Variants in NLGN1 observed in about 807,000 individuals in gnomAD.
NLGN1 encodes the protein neuroligin 1.
In NLGN1, 12 loss-of-function variants were observed where a neutral mutation model predicts 65.5. The observed-to-expected ratio is 0.18, with a 90% CI of 0.12 to 0.30. The LOEUF (loss-of-function observed/expected upper bound fraction) is 0.30, where lower values mean the gene tolerates loss of function less well. Among genes scored for constraint, NLGN1 ranks in the 10% least tolerant of loss-of-function variants. NLGN1 has a pLI of 1.00. For missense variants in NLGN1, 750 were observed against 1,007.1 expected (o/e 0.74, Z 3.46); for synonymous variants, 350 against 359.5 (o/e 0.97, Z 0.30).
intron 4 of NLGN1, among the ~76,000 whole-genome samples, chr3:174,060,280 A>G (rs933134570): frequency 2.6e-5 from 4 of 152,044 alleles, no homozygotes; most frequent in Admixed American, 2.6e-4. Context: ...GCTCCATCTC[A>G]TATGTTAACA....
intron 4 of NLGN1, among the ~76,000 whole-genome samples, chr3:173,899,455 C>A (rs116371571): frequency 1.3e-5 from 2 of 152,154 alleles, no homozygotes; most frequent in African/African-American, 4.8e-5. Context: ...AACCAATTCT[C>A]GTTAAATGAG....
At chr3:173,594,572 A>T (rs1409142943) in intron 2 of NLGN1, among the ~76,000 whole-genome samples, 1 of 152,128 alleles carries the variant, frequency 6.6e-6, no homozygotes, top group African/African-American at 2.4e-5. Context: ...CTGTGGGTGG[A>T]TCTACCATTC....
chr3:174,066,516 G>GTCTCTCTCTCTCTCTC lies in NLGN1; in HGVS notation c.647-208765_647-208750dup, dbSNP rs373763421. Among the ~76,000 whole-genome samples, 210 of 66,994 alleles carry GTCTCTCTCTCTCTCTC rather than the reference G, an allele frequency of 3.1e-3. 5 individuals are homozygous for GTCTCTCTCTCTCTCTC. The highest frequency in any genetic ancestry group is 5.2e-3 in the East Asian group (10 of 1,936). 44.0% of individuals were successfully genotyped at this position (66,994 alleles called of 152,430 possible). ...AGTTTTTAAATAGATTATGGAACAA[G>GTCTCTCTCTCTCTCTC]TCTCTCTCTCTCTCTCTCTCTCTCT... is the stretch of plus-strand genomic sequence containing the variant. On this transcript the variant is annotated intron_variant, in intron 4 of 6. Transcript: ENST00000457714.
intron 3 of NLGN1, among the ~76,000 whole-genome samples, chr3:173,684,053 T>A (rs938640676): frequency 6.6e-6 from 1 of 152,114 alleles, no homozygotes; most frequent in African/African-American, 2.4e-5. Flanking sequence ...CAGTTCACAG[T>A]AAACAAAAGT....
intron 3 of NLGN1, among the ~76,000 whole-genome samples, chr3:173,638,640 A>T (rs1425780680): frequency 6.6e-6 from 1 of 152,192 alleles, no homozygotes; most frequent in African/African-American, 2.4e-5. Context: ...GAGATAGTAT[A>T]CAAGAATTGT....
intron 2 of NLGN1, among the ~76,000 whole-genome samples, chr3:173,524,877 C>G (rs114985893): frequency 0.024 from 3,614 of 152,200 alleles, 55 homozygotes; most frequent in Middle Eastern, 0.048. Flanking sequence ...TATTGATTTG[C>G]ATATGTGAAC....
chr3:174,086,569 A>G (rs550932649), intron 4 of NLGN1, among the ~76,000 whole-genome samples: 71 of 151,760 alleles, frequency 4.7e-4, no homozygotes, highest in Admixed American at 1.4e-3. Context: ...ATAACTCAGT[A>G]TAAGCCACTA....
chr3:173,942,192 C>T (rs956979137), intron 4 of NLGN1, among the ~76,000 whole-genome samples: 2 of 150,946 alleles, frequency 1.3e-5, no homozygotes, highest in African/African-American at 4.9e-5. Flanking sequence ...TATATATACA[C>T]ATGTGCATAT....
intron 4 of NLGN1, among the ~76,000 whole-genome samples, chr3:173,825,006 A>G (rs974802557): frequency 4.6e-5 from 7 of 152,120 alleles, no homozygotes; most frequent in African/African-American, 1.7e-4. Context: ...ATATCCAACA[A>G]TCTGGCAGCC....
intron 3 of NLGN1, among the ~76,000 whole-genome samples, chr3:173,719,606 A>C (rs1282280179): frequency 6.6e-6 from 1 of 152,082 alleles, no homozygotes; most frequent in Non-Finnish European, 1.5e-5. Flanking sequence ...TGGGAAATCT[A>C]TTGGTAGATA....
chr3:174,152,261 CCTT>C (rs1724513605), intron 4 of NLGN1, among the ~76,000 whole-genome samples: 1 of 152,058 alleles, frequency 6.6e-6, no homozygotes, highest in Non-Finnish European at 1.5e-5. Flanking sequence ...ATATGTCTAT[CCTT>C]CTATATATAT....
chr3:173,514,103 C>A (rs541009117), intron 2 of NLGN1, among the ~76,000 whole-genome samples: 26 of 152,112 alleles, frequency 1.7e-4, no homozygotes, highest in Non-Finnish European at 2.6e-4. Flanking sequence ...CACACATAAA[C>A]AATGCTCAGT....
chr3:173,744,548 A>T lies in NLGN1; in HGVS notation c.494-63132A>T, dbSNP rs116522414. Among the ~76,000 whole-genome samples the T allele has an allele frequency of 6.9e-3, 1,044 of 152,250 alleles. 10 individuals are homozygous for T. Among genetic ancestry groups the T allele is most frequent in the African/African-American group, 0.024 (996 of 41,580 alleles). Reference sequence around the variant, plus strand: ...GAACCTGTCACAAAGATCTGGAAAGACTTCTGTGAAAAGGTAACAACGTAG... The same window carrying T: ...GAACCTGTCACAAAGATCTGGAAAGTCTTCTGTGAAAAGGTAACAACGTAG... On this transcript the variant is annotated intron_variant, in intron 3 of 6. Coordinates refer to ENST00000457714, the Ensembl canonical transcript of NLGN1.
intron 2 of NLGN1, among the ~76,000 whole-genome samples, chr3:173,527,830 G>A (rs1047771321): frequency 3.3e-5 from 5 of 152,170 alleles, no homozygotes; most frequent in Non-Finnish European, 5.9e-5. Flanking sequence ...TAGGCATTAG[G>A]TGAATCTCTT....
intron 4 of NLGN1, among the ~76,000 whole-genome samples, chr3:173,814,243 T>C (rs891206529): frequency 1.3e-5 from 2 of 152,254 alleles, no homozygotes; most frequent in Non-Finnish European, 2.9e-5. Context: ...GGGTAAGATA[T>C]TTGGTGATTT....
At chr3:173,530,583 C>T (rs62292664) in intron 2 of NLGN1, among the ~76,000 whole-genome samples, 13,630 of 152,164 alleles carry the variant, frequency 0.09, 862 homozygotes, top group Non-Finnish European at 0.14. Flanking sequence ...AAATTTTCAT[C>T]ATATTTACTT....
chr3:173,824,710 A>T (rs192118583), intron 4 of NLGN1, among the ~76,000 whole-genome samples: 3 of 152,154 alleles, frequency 2.0e-5, no homozygotes, highest in Admixed American at 2.0e-4. Flanking sequence ...TTTTTCTCCA[A>T]CACTCATATG....
chr3:173,405,708 A>G (rs570860895), intron 1 of NLGN1, among the ~76,000 whole-genome samples: 1 of 152,198 alleles, frequency 6.6e-6, no homozygotes, highest in African/African-American at 2.4e-5. Context: ...AAAAGAAATA[A>G]TAGTAGGATG....
chr3:174,060,639 C>A (rs976785541), intron 4 of NLGN1, among the ~76,000 whole-genome samples: 2 of 152,110 alleles, frequency 1.3e-5, no homozygotes, highest in African/African-American at 4.8e-5. Context: ...AAGATTCCCC[C>A]ACTTTCAGTC....
Sources: gnomAD v4.1 joint callset for allele counts (sites outside exome capture counted in the v4.1 genomes callset) on GRCh38, gnomAD v4.1.1 for gene constraint, MANE v1.5 for transcripts, NCBI Gene and HGNC (gene_info 2026-07-23, HGNC 2026-07-21) for gene names.